POLN: variants seen among roughly 807,000 people sequenced by gnomAD.
POLN encodes DNA polymerase N.
POLN carries 108 observed loss-of-function variants against 113.5 expected under a neutral mutation model. That is an observed-to-expected ratio of 0.95 (90% CI 0.81 to 1.12). POLN has a LOEUF of 1.12. POLN is among the 50% of genes most tolerant of loss of function. The pLI is 0.00. For missense variants in POLN, 1,097 were observed against 1,077.1 expected (o/e 1.02, Z -0.26); for synonymous variants, 386 against 391.5 (o/e 0.99, Z 0.17).
chr4:2,075,185 G>T (rs955498799), intron 24 of POLN, among the ~76,000 whole-genome samples: 1 of 152,236 alleles, frequency 6.6e-6, no homozygotes, highest in Non-Finnish European at 1.5e-5. Context: ...TGCAGCTGCT[G>T]TCTGCAGTTC....
intron 19 of POLN, among the ~76,000 whole-genome samples, chr4:2,098,181 A>G (rs1730842483): frequency 6.6e-6 from 1 of 152,184 alleles, no homozygotes; most frequent in South Asian, 2.1e-4. Flanking sequence ...TGGGGGGCCT[A>G]GGTGGAGGGA....
At chr4:2,221,943 A>G (rs1329617338) in intron 3 of POLN, among the ~76,000 whole-genome samples, 1 of 152,156 alleles carries the variant, frequency 6.6e-6, no homozygotes, top group East Asian at 1.9e-4. Flanking sequence ...CGAACCAATT[A>G]CATCTTACAC....
chr4:2,111,020 C>T (rs970593707), intron 19 of POLN, among the ~76,000 whole-genome samples: 6 of 152,194 alleles, frequency 3.9e-5, no homozygotes, highest in African/African-American at 9.6e-5. Flanking sequence ...AATCCAGCAA[C>T]ACATCAAAAA....
intron 4 of POLN, among the ~76,000 whole-genome samples, chr4:2,211,805 C>T (rs1203610173): frequency 6.6e-6 from 1 of 151,986 alleles, no homozygotes; most frequent in Non-Finnish European, 1.5e-5. Flanking sequence ...AGAGTGAAGG[C>T]CTGTCTCAAA....
At chr4:2,182,234 T>C (rs1457876735) in intron 7 of POLN, among the ~76,000 whole-genome samples, 6 of 152,170 alleles carry the variant, frequency 3.9e-5, no homozygotes, top group Non-Finnish European at 8.8e-5. Context: ...AATCTCAGAA[T>C]GGGAACTTAT....
At chr4:2,233,862 T>C (rs918633357) in intron 2 of POLN, among the ~76,000 whole-genome samples, 1 of 152,228 alleles carries the variant, frequency 6.6e-6, no homozygotes, top group Non-Finnish European at 1.5e-5. Flanking sequence ...TAGACACTTA[T>C]ATAGTGCTGG....
chr4:2,213,656 A>G (rs1367437757), intron 3 of POLN, among the ~76,000 whole-genome samples: 1 of 152,236 alleles, frequency 6.6e-6, no homozygotes, highest in Non-Finnish European at 1.5e-5. Context: ...TTTCCTCTGC[A>G]GGAACAATAA....
At position 2,208,057 on chromosome 4, in the gene POLN, A is replaced by G. The variant is rs773977363; in HGVS notation, c.644T>C (p.Leu215Pro). ...TATCACCAGGGCTGCTGCCTGTTTG[A>G]GCATTTCAATCAGCTGGCTTTTTGC... ...DWAKSQLIEM[L>P]KQAAALVITV... is the part of the protein sequence containing the mutation. The change falls in exon 5 of 26, where the codon CTC becomes CCC. Residue 215 changes from leucine to proline, a missense_variant. Leu to Pro is a moderately conservative substitution (Grantham distance 98). Transcript: ENST00000511885. The G allele has an allele frequency of 1.9e-6, 3 of 1,614,210 alleles. No homozygotes were observed. The highest frequency in any genetic ancestry group is 1.7e-6 in the Non-Finnish European group (2 of 1,180,032).
At chr4:2,148,853 G>A (rs1018295585) in intron 16 of POLN, among the ~76,000 whole-genome samples, 9 of 152,172 alleles carry the variant, frequency 5.9e-5, no homozygotes, top group Non-Finnish European at 1.3e-4. Flanking sequence ...GACACATTAT[G>A]TGAAGATAGT....
At chr4:2,148,309 T>A (rs923194876) in intron 16 of POLN, among the ~76,000 whole-genome samples, 1 of 152,042 alleles carries the variant, frequency 6.6e-6, no homozygotes, top group Non-Finnish European at 1.5e-5. Context: ...TGGGACAAAT[T>A]GACCTAATAT....
rs1226477140 is a variant in POLN, at chr4:2,073,045, G to C, written c.2456-16C>G. 1 of 1,612,574 alleles carries C rather than the reference G, an allele frequency of 6.2e-7. No homozygotes were observed. Among genetic ancestry groups the C allele is most frequent in the Non-Finnish European group, 8.5e-7 (1 of 1,179,582 alleles). On this transcript the variant is annotated splice_polypyrimidine_tract_variant and intron_variant, in intron 24 of 25. Coordinates refer to ENST00000511885, the MANE Select transcript of POLN (RefSeq NM_181808.4). ...CTGACGAGAGCTAGAGTGCGGAAGA[G>C]AGAGGAGGCCCTGCTGGTCTCTTGG...
chr4:2,142,001 C>G (rs976708552), intron 16 of POLN, among the ~76,000 whole-genome samples: 3 of 152,202 alleles, frequency 2.0e-5, no homozygotes, highest in African/African-American at 4.8e-5. Context: ...TGCTCTCCCC[C>G]TCAGCACCTC....
chr4:2,135,352 A>G (rs893975664), intron 16 of POLN, among the ~76,000 whole-genome samples: 11 of 152,244 alleles, frequency 7.2e-5, no homozygotes, highest in African/African-American at 2.6e-4. Flanking sequence ...TCTGGAGGAG[A>G]TATCAGCCCG....
intron 16 of POLN, among the ~76,000 whole-genome samples, chr4:2,136,126 C>T (rs913375572): frequency 1.3e-5 from 2 of 152,204 alleles, no homozygotes; most frequent in Non-Finnish European, 2.9e-5. Flanking sequence ...AACGAATGTC[C>T]AGGGGGCGGA....
At chr4:2,089,852 G>A in intron 20 of POLN, 1 of 922,114 alleles carries the variant, frequency 1.1e-6, no homozygotes. Flanking sequence ...TTCTTTGAAA[G>A]CAGACTTTCC....
intron 2 of POLN, chr4:2,239,977 T>C (rs1734911382): frequency 2.3e-6 from 3 of 1,303,836 alleles, no homozygotes; most frequent in Non-Finnish European, 3.3e-6. Context: ...AACAGCAATA[T>C]TATCTCCTCT....
At chr4:2,144,836 G>A (rs1325920103) in intron 16 of POLN, among the ~76,000 whole-genome samples, 2 of 152,214 alleles carry the variant, frequency 1.3e-5, no homozygotes, top group Admixed American at 6.5e-5. Context: ...GGAGCCTACA[G>A]TAGAGGGAAG....
chr4:2,089,049 T>G, intron 20 of POLN: 2 of 880,970 alleles, frequency 2.3e-6, no homozygotes, highest in Non-Finnish European at 3.7e-6. Flanking sequence ...AGCTTTGAAC[T>G]TAGAACTTTA....
rs763965826 is a variant in POLN at position 2,198,489 on chromosome 4, AG to A, written c.908+34del. 4.8e-5 allele frequency: 74 copies of A among 1,547,666 alleles called. No individual in the cohort carries two copies. The African/African-American group carries it at 1.0e-3, about 21-fold the overall frequency. ...TCCATTAGTATAAAGCAGGCATGTAAGTAGGGTGTGAGCCCATGTGTGAAGA... is the reference window on the plus strand; with the variant it reads ...TCCATTAGTATAAAGCAGGCATGTAATAGGGTGTGAGCCCATGTGTGAAGA... On this transcript the variant is annotated intron_variant, in intron 6 of 25. Transcript: ENST00000511885.
Sources: gnomAD v4.1 joint callset for allele counts (sites outside exome capture counted in the v4.1 genomes callset) on GRCh38, gnomAD v4.1.1 for gene constraint, MANE v1.5 for transcripts, NCBI Gene and HGNC (gene_info 2026-07-23, HGNC 2026-07-21) for gene names.